Variants in CTBP1 observed in about 807,000 individuals in gnomAD.
CTBP1 encodes C-terminal-binding protein 1.
A neutral mutation model predicts 42.1 loss-of-function variants in CTBP1; 11 were observed. The observed-to-expected ratio is 0.26, with a 90% CI of 0.16 to 0.43. The LOEUF (loss-of-function observed/expected upper bound fraction) is 0.43. Among genes scored for constraint, CTBP1 ranks in the 20% least tolerant of loss-of-function variants. The pLI is 1.00. For missense variants in CTBP1, 399 were observed against 624.3 expected, an observed-to-expected ratio of 0.64 and a Z score of 3.85; for synonymous variants, 324 against 277.1, an observed-to-expected ratio of 1.17 and a Z score of -1.68.
At chr4:1,232,057 T>A (rs1437755750) in intron 3 of CTBP1, among the ~76,000 whole-genome samples, 1 of 152,202 alleles carries the variant, frequency 6.6e-6, no homozygotes, top group Non-Finnish European at 1.5e-5. Flanking sequence ...TATATAAACT[T>A]TTTCATTTAC....
chr4:1,239,876 G>A (rs1577071747), intron 2 of CTBP1, among the ~76,000 whole-genome samples: 1 of 152,346 alleles, frequency 6.6e-6, no homozygotes, highest in East Asian at 1.9e-4. Flanking sequence ...CATTCCCTCT[G>A]GACGGGAGCT....
chr4:1,248,849 G>A, intron 1 of CTBP1, 67 bp downstream of exon 1: 3 of 746,504 alleles, frequency 4.0e-6, no homozygotes, highest in African/African-American at 2.0e-5. Flanking sequence ...CGCGCCCCCC[G>A]CCCGCGCGGC....
chr4:1,222,667 C>T (rs1729880593), intron 5 of CTBP1, among the ~76,000 whole-genome samples: 1 of 152,140 alleles, frequency 6.6e-6, no homozygotes, highest in Non-Finnish European at 1.5e-5. Flanking sequence ...CACAGCCCTA[C>T]CCTCTGAGGG....
At chr4:1,248,763 C>T (rs1292450641) in intron 1 of CTBP1, 153 bp downstream of exon 1, 2 of 975,894 alleles carry the variant, frequency 2.0e-6, no homozygotes, top group Admixed American at 1.3e-4. Flanking sequence ...CCGACCGCGG[C>T]CACGCGCGGA....
upstream of CTBP1, chr4:1,249,691 G>A: frequency 2.4e-6 from 1 of 414,916 alleles, no homozygotes; most frequent in Middle Eastern, 3.6e-4. Flanking sequence ...GAGGAGAAGC[G>A]CGCCTGCCCC....
rs1731853350 is a variant in CTBP1, at chr4:1,238,818, C to G, written c.8-481G>C. ...AGACCCTCTGAGACCCCCCGAGACC[C>G]TCCCAGACCGTCCGAGACCCCAGGG... On this transcript the variant is annotated intron_variant, in intron 2 of 9. Coordinates refer to ENST00000382952, the MANE Select transcript of CTBP1 (RefSeq NM_001012614.2). This position sits in a 1 kb window ranked among gnomAD's most constrained non-coding sequence, Gnocchi z 5.9. Among the ~76,000 whole-genome samples the G allele has an allele frequency of 6.6e-6, 1 of 151,806 alleles. No individual in the cohort carries two copies. Among genetic ancestry groups the G allele is most frequent in the Non-Finnish European group, 1.5e-5 (1 of 67,928 alleles).
At chr4:1,227,123 G>A (rs1730434114) in intron 4 of CTBP1, among the ~76,000 whole-genome samples, 1 of 152,130 alleles carries the variant, frequency 6.6e-6, no homozygotes, top group African/African-American at 2.4e-5. Context: ...TCTAATGAGT[G>A]TCTGTACATG....
At chr4:1,242,578 C>A in intron 1 of CTBP1, 1 of 985,440 alleles carries the variant, frequency 1.0e-6, no homozygotes, top group South Asian at 4.7e-5. Flanking sequence ...TCCAGAGACA[C>A]CATCACAGGG....
chr4:1,240,607 C>T lies in CTBP1; in HGVS notation c.7+718G>A, dbSNP rs1440939080. The stretch of plus-strand genomic sequence containing the variant: ...CTGGGTGAGTGGGAACCGGGTCCCT[C>T]GTCGGAACCGCGTGGGGGACTCCCG... On this transcript the variant is annotated intron_variant, in intron 2 of 9. Transcript: ENST00000382952. Among the ~76,000 whole-genome samples, 43 of 133,104 alleles carry T rather than the reference C, an allele frequency of 3.2e-4. 1 individual carries two copies. Among genetic ancestry groups the T allele is most frequent in the African/African-American group, 1.1e-3 (38 of 35,070 alleles). 87.3% of individuals were successfully genotyped at this position (133,104 alleles called of 152,430 possible). A position where few individuals can be genotyped will look rare whatever the true frequency, so the allele number is the denominator to read the frequency against.
In CTBP1 at chr4:1,238,402, C is replaced by T. The variant is rs1345017678; in HGVS notation, c.8-65G>A. ...GGCCCCGTGGCTACAACCCACTCCA[C>T]GCCACCCACTGTGCACGGGCCAACG... On this transcript the variant is annotated intron_variant, in intron 2 of 9. Transcript: ENST00000382952. This position sits in a 1 kb window ranked among gnomAD's most constrained non-coding sequence, Gnocchi z 5.9. 2.6e-5 allele frequency: 39 copies of T among 1,496,654 alleles called. No homozygotes were observed. Among genetic ancestry groups the T allele is most frequent in the South Asian group, 1.3e-4 (10 of 75,228 alleles). The allele number at this position is 1,496,654 out of a possible 1,614,324, so 92.7% of individuals were successfully genotyped here. A position where few individuals can be genotyped will look rare whatever the true frequency, so the allele number is the denominator to read the frequency against.
intron 4 of CTBP1, among the ~76,000 whole-genome samples, chr4:1,227,992 G>A (rs1730563204): frequency 6.6e-6 from 1 of 152,210 alleles, no homozygotes; most frequent in East Asian, 1.9e-4. Flanking sequence ...CTGCCCAAAA[G>A]AGAGGAAGTG....
intron 9 of CTBP1, 131 bp downstream of exon 9, chr4:1,212,782 C>T: frequency 1.3e-6 from 1 of 797,834 alleles, no homozygotes; most frequent in Non-Finnish European, 2.0e-6. Context: ...TGAGGTTGGC[C>T]TTACCAATTC....
At chr4:1,245,236 GAC>G in intron 1 of CTBP1, 1 of 985,470 alleles carries the variant, frequency 1.0e-6, no homozygotes, top group Non-Finnish European at 1.2e-6. Flanking sequence ...CAGCTCAGAG[GAC>G]ACAGCGCAGG....
chr4:1,242,634 A>G, intron 1 of CTBP1: 1 of 985,400 alleles, frequency 1.0e-6, no homozygotes, highest in Non-Finnish European at 1.2e-6. Flanking sequence ...AGGGTCCCCA[A>G]CACCACTCCT....
intron 5 of CTBP1, among the ~76,000 whole-genome samples, chr4:1,220,784 C>T (rs780322599): frequency 2.0e-5 from 3 of 152,238 alleles, no homozygotes; most frequent in South Asian, 2.1e-4. Context: ...CCTGCCATCC[C>T]GGGAAAGGGT....
At chr4:1,221,614 G>A (rs974335399) in intron 5 of CTBP1, 8 of 233,140 alleles carry the variant, frequency 3.4e-5, no homozygotes, top group African/African-American at 1.4e-4. Context: ...GCATCACCCC[G>A]ACTGACGGGA....
At chr4:1,225,221 G>A (rs548062115) in intron 5 of CTBP1, 139 bp downstream of exon 5, 135 of 997,254 alleles carry the variant, frequency 1.4e-4, no homozygotes, top group East Asian at 1.3e-3. Context: ...GTGCCTGTGC[G>A]CACTCAGTCC....
chr4:1,245,547 G>A, intron 1 of CTBP1: 1 of 983,786 alleles, frequency 1.0e-6, no homozygotes, highest in Non-Finnish European at 1.2e-6. Context: ...ACGGGCGGCA[G>A]GTCAGGGTGG....
chr4:1,230,458 C>T (rs955340094), intron 3 of CTBP1, among the ~76,000 whole-genome samples: 5 of 152,200 alleles, frequency 3.3e-5, no homozygotes, highest in African/African-American at 7.2e-5. Context: ...GCTGCGCATG[C>T]GAGCGGTGGG....
Sources: gnomAD v4.1 joint callset for allele counts (sites outside exome capture counted in the v4.1 genomes callset) on GRCh38, gnomAD v4.1.1 for gene constraint, Gnocchi (gnomAD v3.1) non-coding constraint, MANE v1.5 for transcripts, NCBI Gene and HGNC (gene_info 2026-07-23, HGNC 2026-07-21) for gene names.